Variants in RNF169 observed in about 807,000 individuals in gnomAD.
RNF169 encodes ring finger protein 169.
Under a neutral mutation model 53.9 loss-of-function variants are expected in RNF169, and 24 were observed. That is an observed-to-expected ratio of 0.45 (90% CI 0.32 to 0.63). RNF169 has a LOEUF of 0.63. Among genes scored for constraint, RNF169 ranks in the 20% least tolerant of loss-of-function variants. RNF169 has a pLI of 0.04. For synonymous variants in RNF169, 396 were observed against 363.5 expected (o/e 1.09, Z -1.02); for missense variants, 883 against 906.2 (o/e 0.97, Z 0.33).
chr11:74,749,455 T>A, intron 1 of RNF169, 73 bp downstream of exon 1: 1 of 1,155,698 alleles, frequency 8.7e-7, no homozygotes, highest in Non-Finnish European at 1.1e-6. Flanking sequence ...GGTGAGGGGG[T>A]GGAGAGTCCC....
intron 1 of RNF169, among the ~76,000 whole-genome samples, chr11:74,759,034 A>T (rs1473590427): frequency 2.7e-5 from 4 of 150,344 alleles, no homozygotes; most frequent in Non-Finnish European, 5.9e-5. Flanking sequence ...CATCCCTTGT[A>T]AGTTGGATTC....
intron 3 of RNF169, among the ~76,000 whole-genome samples, chr11:74,812,852 T>C (rs2035892281): frequency 1.3e-5 from 2 of 152,138 alleles, no homozygotes; most frequent in Non-Finnish European, 2.9e-5. Context: ...AAATGAAGAC[T>C]CTTCACCCCA....
intron 1 of RNF169, among the ~76,000 whole-genome samples, chr11:74,786,454 GGTCT>G (rs989239314): frequency 6.6e-5 from 10 of 151,850 alleles, no homozygotes; most frequent in African/African-American, 1.9e-4. Context: ...GCAGAGATGA[GGTCT>G]GTCTGTGTTG....
Position 74,837,259 on chromosome 11 carries a change from A to T in RNF169, c.*529A>T, listed in dbSNP as rs2036271406. ...ATTATGCCTTTACAAAAGTTAATTT[A>T]CATTCTCTGTTTAAAAAATAATATT... is the stretch of plus-strand genomic sequence containing the variant. On this transcript the variant is annotated 3_prime_UTR_variant, in exon 6 of 6. Transcript: ENST00000299563. 1 of 153,108 alleles carries T rather than the reference A, an allele frequency of 6.5e-6. No individual in the cohort carries two copies. Among genetic ancestry groups the T allele is most frequent in the Admixed American group, 6.5e-5 (1 of 15,358 alleles). The allele number at this position is 153,108 out of a possible 1,614,324, so 9.5% of individuals were successfully genotyped here.
intron 1 of RNF169, among the ~76,000 whole-genome samples, chr11:74,771,315 A>T (rs1302153724): frequency 6.6e-6 from 1 of 152,242 alleles, no homozygotes; most frequent in Non-Finnish European, 1.5e-5. Flanking sequence ...AAATGTGCCA[A>T]AAATCTGAAA....
intron 1 of RNF169, among the ~76,000 whole-genome samples, chr11:74,767,564 T>G (rs1218431457): frequency 6.6e-6 from 1 of 151,798 alleles, no homozygotes; most frequent in Non-Finnish European, 1.5e-5. Flanking sequence ...AATTCTTTTT[T>G]ATTTTTATTT....
chr11:74,749,450 G>T (rs1343882777), intron 1 of RNF169, 68 bp downstream of exon 1: 10 of 1,177,176 alleles, frequency 8.5e-6, no homozygotes, highest in Admixed American at 3.7e-5. Flanking sequence ...GGCCTGGTGA[G>T]GGGGTGGAGA....
intron 2 of RNF169, among the ~76,000 whole-genome samples, chr11:74,796,913 A>G (rs147774351): frequency 2.0e-5 from 3 of 152,166 alleles, no homozygotes; most frequent in Non-Finnish European, 2.9e-5. Flanking sequence ...TGCGTTGGCT[A>G]TTCACAGGTG....
At chr11:74,760,306 T>A (rs372247895) in intron 1 of RNF169, among the ~76,000 whole-genome samples, 1 of 152,198 alleles carries the variant, frequency 6.6e-6, no homozygotes, top group Non-Finnish European at 1.5e-5. Context: ...ATGTCTGTAT[T>A]TCCTTCAGTT....
intron 1 of RNF169, among the ~76,000 whole-genome samples, chr11:74,760,059 A>T (rs1046152007): frequency 2.7e-4 from 41 of 151,622 alleles, no homozygotes; most frequent in African/African-American, 1.0e-3. Flanking sequence ...GTGTCGAGGA[A>T]TGTATCCATT....
intron 4 of RNF169, chr11:74,832,622 G>A (rs551149228): frequency 8.5e-5 from 13 of 152,200 alleles, no homozygotes; most frequent in South Asian, 2.1e-4. Context: ...GGCAACTATC[G>A]GTGAACTGCT....
In RNF169 at chr11:74,822,872, T is replaced by A. The variant is rs140576292; in HGVS notation, c.842+5158T>A. 2.7e-3 allele frequency among the ~76,000 whole-genome samples: 415 copies of A among 152,344 alleles called. 1 individual carries two copies. The highest frequency in any genetic ancestry group is 9.3e-3 in the African/African-American group (388 of 41,576). ...TTTTATGTATTTATAAGAAATTTCT[T>A]TAATATATCCACTGTATGCCAGGCA... is the stretch of plus-strand genomic sequence containing the variant. On this transcript the variant is annotated intron_variant, in intron 4 of 5. Coordinates refer to ENST00000299563, the MANE Select transcript of RNF169 (RefSeq NM_001098638.2).
At chr11:74,806,034 T>TAC (rs914051649) in intron 2 of RNF169, among the ~76,000 whole-genome samples, 5 of 151,974 alleles carry the variant, frequency 3.3e-5, no homozygotes, top group African/African-American at 1.2e-4. Flanking sequence ...TGTATATATA[T>TAC]ACACACACAC....
intron 2 of RNF169, among the ~76,000 whole-genome samples, chr11:74,805,787 A>T (rs1304263055): frequency 6.7e-6 from 1 of 149,798 alleles, no homozygotes; most frequent in Non-Finnish European, 1.5e-5. Context: ...CTATATGCAC[A>T]TTTTTTTTTT....
At chr11:74,829,528 A>C (rs1030865735) in intron 4 of RNF169, among the ~76,000 whole-genome samples, 7 of 151,976 alleles carry the variant, frequency 4.6e-5, no homozygotes, top group African/African-American at 7.3e-5. Context: ...TTCCCTTATA[A>C]AAATACACGC....
intron 4 of RNF169, among the ~76,000 whole-genome samples, chr11:74,822,020 T>A (rs1002047020): frequency 8.7e-5 from 13 of 149,778 alleles, no homozygotes; most frequent in East Asian, 5.8e-4. Context: ...TGTGTGTGTG[T>A]GAGTGAGTGA....
chr11:74,836,242 C>A lies in RNF169; in HGVS notation c.1639C>A (p.Gln547Lys), dbSNP rs545767279. ...CAGTGGGACTTCTTTGGAGAGGGAG[C>A]AGTTTGAGGGGTTAGGGTCAACTCC... ...GGSGTSLERE[Q>K]FEGLGSTPDA... The change falls in exon 6 of 6, where the codon CAG (glutamine) becomes AAG (lysine). Residue 547 changes from glutamine to lysine, a missense_variant. This residue lies in a region of RNF169 where 351 missense variants were observed against 337.3 expected (regional missense o/e 1.04). Transcript: ENST00000299563. The A allele has an allele frequency of 1.2e-6, 2 of 1,614,100 alleles. No individual in the cohort carries two copies. Among genetic ancestry groups the A allele is most frequent in the Non-Finnish European group, 1.7e-6 (2 of 1,179,986 alleles).
intron 1 of RNF169, among the ~76,000 whole-genome samples, chr11:74,754,850 A>G (rs1366378438): frequency 6.6e-6 from 1 of 152,180 alleles, no homozygotes; most frequent in African/African-American, 2.4e-5. Context: ...CGAAAATTGA[A>G]TAGATAAACA....
At chr11:74,763,362 A>T (rs996291907) in intron 1 of RNF169, among the ~76,000 whole-genome samples, 2 of 152,220 alleles carry the variant, frequency 1.3e-5, no homozygotes, top group African/African-American at 4.8e-5. Context: ...GAGAGTCAGC[A>T]GATAGAACAA....
Sources: gnomAD v4.1 joint callset for allele counts (sites outside exome capture counted in the v4.1 genomes callset) on GRCh38, gnomAD v4.1.1 for gene constraint, gnomAD v4.1.1 regional missense constraint, MANE v1.5 for transcripts, NCBI Gene and HGNC (gene_info 2026-07-23, HGNC 2026-07-21) for gene names.